Variants in MECOM observed in about 807,000 individuals in gnomAD.
MECOM encodes the protein MDS1 and EVI1 complex locus.
In MECOM, 13 loss-of-function variants were observed where a neutral mutation model predicts 116.3. The ratio of observed to expected loss-of-function variants is 0.11; its 90% confidence interval spans 0.07 to 0.18. The LOEUF (loss-of-function observed/expected upper bound fraction) is 0.18. Among genes scored for constraint, MECOM ranks in the 10% least tolerant of loss-of-function variants. MECOM has a pLI of 1.00. For missense variants in MECOM, 1,299 were observed against 1,509.0 expected, an observed-to-expected ratio of 0.86 and a Z score of 2.31; for synonymous variants, 528 against 535.2, an observed-to-expected ratio of 0.99 and a Z score of 0.19.
At position 169,378,429 on chromosome 3, in the gene MECOM, G is replaced by GAAAGAA. The variant is rs1553829540; in HGVS notation, c.375+2752_375+2757dup. Among the ~76,000 whole-genome samples, 38 of 75,886 alleles carry GAAAGAA rather than the reference G, an allele frequency of 5.0e-4. 3 individuals carry two copies. The highest frequency in any genetic ancestry group is 9.2e-4 in the Admixed American group (6 of 6,546). The allele number at this position is 75,886 out of a possible 152,430, so 49.8% of individuals were successfully genotyped here. A position where few individuals can be genotyped will look rare whatever the true frequency, so the allele number is the denominator to read the frequency against. Reference sequence around the variant, plus strand: ...AGAAAGAAAGAAAGAAAGAAAGAAAGAAAGAAAGAAAGAAAGAAAGAAGGA... The same window carrying GAAAGAA: ...AGAAAGAAAGAAAGAAAGAAAGAAAGAAAGAAAAAGAAAGAAAGAAAGAAAGAAGGA... On this transcript the variant is annotated intron_variant, in intron 2 of 16. Transcript: ENST00000651503.
chr3:169,469,935 C>G (rs1000079826), intron 1 of MECOM, among the ~76,000 whole-genome samples: 1 of 152,122 alleles, frequency 6.6e-6, no homozygotes, highest in Non-Finnish European at 1.5e-5. Context: ...AACCAGAGAA[C>G]GTGGTCATCA....
At position 169,090,256 on chromosome 3, in the gene MECOM, A is replaced by C. The variant is rs756805428; in HGVS notation, c.3165-20T>G. ...TTCATTCTTTCAAAAGCATTAAAAA[A>C]AAAGTCCAATTGTTGGTTTCATTTT... On this transcript the variant is annotated intron_variant, in intron 14 of 16. Coordinates refer to ENST00000651503, the MANE Select transcript of MECOM (RefSeq NM_004991.4). 2 of 1,579,384 alleles carry C rather than the reference A, an allele frequency of 1.3e-6. No homozygotes were observed. Among genetic ancestry groups the C allele is most frequent in the South Asian group, 2.4e-5 (2 of 84,824 alleles).
intron 2 of MECOM, among the ~76,000 whole-genome samples, chr3:169,379,058 G>A (rs1347950016): frequency 2.6e-5 from 4 of 151,648 alleles, no homozygotes; most frequent in African/African-American, 9.7e-5. Context: ...ATGACATGGG[G>A]ACAAATAAAA....
intron 3 of MECOM, among the ~76,000 whole-genome samples, chr3:169,134,434 A>G (rs1437540185): frequency 2.0e-5 from 3 of 152,214 alleles, no homozygotes; most frequent in Admixed American, 6.5e-5. Flanking sequence ...AAAGAAAAGC[A>G]AAGTGGATTT....
At chr3:169,197,798 T>C (rs758058056) in intron 2 of MECOM, among the ~76,000 whole-genome samples, 1 of 152,042 alleles carries the variant, frequency 6.6e-6, no homozygotes, top group Non-Finnish European at 1.5e-5. Context: ...GATCTCTTTA[T>C]AAAATTACTG....
rs1180392196 is a variant in MECOM, at chr3:169,485,952, T to TA, written c.38-104429_38-104428insT. On this transcript the variant is annotated intron_variant, in intron 1 of 16. Transcript: ENST00000651503. Reference sequence around the variant, plus strand: ...TATATAGTATATATGTATGTATATATGTACATATATACTATATATACATAT... The same window carrying TA: ...TATATAGTATATATGTATGTATATATAGTACATATATACTATATATACATAT... Among the ~76,000 whole-genome samples the TA allele has an allele frequency of 3.8e-4, 38 of 100,866 alleles. 4 individuals carry two copies. The highest frequency in any genetic ancestry group is 1.2e-3 in the African/African-American group (27 of 22,720). The allele number at this position is 100,866 out of a possible 152,430, so 66.2% of individuals were successfully genotyped here. A position where few individuals can be genotyped will look rare whatever the true frequency, so the allele number is the denominator to read the frequency against.
intron 2 of MECOM, among the ~76,000 whole-genome samples, chr3:169,344,622 A>G (rs1389781573): frequency 6.6e-6 from 1 of 152,152 alleles, no homozygotes; most frequent in African/African-American, 2.4e-5. Flanking sequence ...ATGATCTCTC[A>G]AAGGAACCTT....
At chr3:169,425,990 A>G (rs558544065) in intron 1 of MECOM, among the ~76,000 whole-genome samples, 1 of 152,334 alleles carries the variant, frequency 6.6e-6, no homozygotes, top group South Asian at 2.1e-4. Context: ...GAAGGTGGTT[A>G]TCTCTGAGGG....
chr3:169,311,978 TGATTACACAG>T (rs1718857937), intron 2 of MECOM, among the ~76,000 whole-genome samples: 1 of 152,130 alleles, frequency 6.6e-6, no homozygotes. Context: ...GCCACTGTGG[TGATTACACAG>T]GAGTAGGTGG....
intron 1 of MECOM, among the ~76,000 whole-genome samples, chr3:169,386,902 T>C: frequency 6.6e-6 from 1 of 152,182 alleles, no homozygotes; most frequent in African/African-American, 2.4e-5. Context: ...ACATCTCAGT[T>C]GATTACAGAA....
intron 2 of MECOM, among the ~76,000 whole-genome samples, chr3:169,379,409 T>C (rs962718588): frequency 6.6e-6 from 1 of 152,098 alleles, no homozygotes; most frequent in Non-Finnish European, 1.5e-5. Flanking sequence ...AGTCAGGAAC[T>C]ATTTTATAAA....
intron 1 of MECOM, among the ~76,000 whole-genome samples, chr3:169,600,339 G>T (rs1443023063): frequency 1.3e-5 from 2 of 152,032 alleles, no homozygotes; most frequent in Non-Finnish European, 2.9e-5. Context: ...CTCCCCAAGG[G>T]ATTAAAAAAC....
In MECOM at chr3:169,513,514, T is replaced by C. The variant is rs548894861; in HGVS notation, c.38-131990A>G. On this transcript the variant is annotated intron_variant, in intron 1 of 16. Transcript: ENST00000651503. ...GATGTTTCCATTGCAGAACTGTAAG[T>C]TGTGTCCTTTTTGTGTCTGCCAGCC... is the stretch of plus-strand genomic sequence containing the variant. Among the ~76,000 whole-genome samples, 5 of 152,332 alleles carry C rather than the reference T, an allele frequency of 3.3e-5. No homozygotes were observed. In the South Asian group the frequency reaches 6.2e-4, roughly 19 times the overall value.
intron 1 of MECOM, among the ~76,000 whole-genome samples, chr3:169,493,886 C>T (rs147410874): frequency 4.6e-5 from 7 of 151,828 alleles, no homozygotes; most frequent in South Asian, 2.1e-4. Flanking sequence ...GAGAGATTGA[C>T]GAGTACACAC....
In MECOM at chr3:169,300,928, C is replaced by T. The variant is rs567706658; in HGVS notation, c.375+80259G>A. On this transcript the variant is annotated intron_variant, in intron 2 of 16. Transcript: ENST00000651503. ...GTTATATTATGATTTGTCAAGGCTT[C>T]GCTCAATAAGTGGCCCTAAACTAAG... Among the ~76,000 whole-genome samples the T allele has an allele frequency of 8.5e-5, 13 of 152,336 alleles. No homozygotes were observed. The South Asian group carries it at 2.3e-3, about 27-fold the overall frequency.
chr3:169,240,441 G>A (rs948539526), intron 2 of MECOM, among the ~76,000 whole-genome samples: 1 of 152,030 alleles, frequency 6.6e-6, no homozygotes, highest in Non-Finnish European at 1.5e-5. Context: ...CAGCATTTGG[G>A]GTTGAAATTA....
At chr3:169,292,276 T>C (rs1258461738) in intron 2 of MECOM, among the ~76,000 whole-genome samples, 4 of 152,086 alleles carry the variant, frequency 2.6e-5, no homozygotes, top group South Asian at 2.1e-4. Context: ...AGGGTAGCAG[T>C]GAGCTGAGAT....
intron 2 of MECOM, among the ~76,000 whole-genome samples, chr3:169,373,811 A>G (rs2108211425): frequency 6.6e-6 from 1 of 151,986 alleles, no homozygotes; most frequent in Non-Finnish European, 1.5e-5. Context: ...AGATTTGTCC[A>G]TGGACTACTT....
chr3:169,264,533 T>C (rs1577514379), intron 2 of MECOM, among the ~76,000 whole-genome samples: 1 of 152,148 alleles, frequency 6.6e-6, no homozygotes, highest in Non-Finnish European at 1.5e-5. Context: ...CTAGTCCATA[T>C]GGAGCCACAG....
Sources: allele counts gnomAD v4.1 joint callset (sites outside exome capture counted in the v4.1 genomes callset), GRCh38; gene constraint gnomAD v4.1.1; transcripts MANE v1.5; gene names NCBI Gene and HGNC (gene_info 2026-07-23, HGNC 2026-07-21).